Variants in CTNNA3 observed in about 807,000 individuals in gnomAD.
CTNNA3 encodes catenin alpha 3.
CTNNA3 carries 76 observed loss-of-function variants against 95.7 expected under a neutral mutation model. That is an observed-to-expected ratio of 0.79 (90% CI 0.66 to 0.96). CTNNA3 has a LOEUF of 0.96. Among genes scored for constraint, CTNNA3 ranks in the 40% least tolerant of loss-of-function variants. The pLI is 0.00. For synonymous variants in CTNNA3, 431 were observed against 374.4 expected (o/e 1.15, Z -1.74); for missense variants, 1,191 against 1,089.8 (o/e 1.09, Z -1.31).
intron 5 of CTNNA3, among the ~76,000 whole-genome samples, chr10:67,408,277 A>G (rs1845218712): frequency 6.6e-6 from 1 of 152,048 alleles, no homozygotes; most frequent in Non-Finnish European, 1.5e-5. Flanking sequence ...GAACTCGTAT[A>G]GCCAATCCTA....
At chr10:67,490,999 C>T (rs1406620615) in intron 5 of CTNNA3, among the ~76,000 whole-genome samples, 1 of 151,900 alleles carries the variant, frequency 6.6e-6, no homozygotes, top group Admixed American at 6.6e-5. Context: ...CAAACCATCA[C>T]AGAATTGCTG....
chr10:66,412,396 T>TGA (rs1166390623), intron 11 of CTNNA3, among the ~76,000 whole-genome samples: 1 of 151,228 alleles, frequency 6.6e-6, no homozygotes, highest in Non-Finnish European at 1.5e-5. Flanking sequence ...GGAACAAATG[T>TGA]GAGCTGCACA....
At chr10:65,969,271 A>G (rs2078045895) in intron 16 of CTNNA3, among the ~76,000 whole-genome samples, 1 of 152,202 alleles carries the variant, frequency 6.6e-6, no homozygotes, top group African/African-American at 2.4e-5. Context: ...AGGGAAAGAA[A>G]AGAAAAATTA....
At chr10:67,232,430 G>T (rs2132303489) in intron 5 of CTNNA3, among the ~76,000 whole-genome samples, 1 of 152,088 alleles carries the variant, frequency 6.6e-6, no homozygotes, top group East Asian at 1.9e-4. Context: ...AAGTGAAGGA[G>T]AAATAAAATA....
intron 10 of CTNNA3, among the ~76,000 whole-genome samples, chr10:66,541,246 C>T (rs888743359): frequency 2.6e-5 from 4 of 152,102 alleles, no homozygotes; most frequent in African/African-American, 7.2e-5. Context: ...CCAAAGGAAT[C>T]TGACTTGTTT....
At chr10:66,725,498 C>T (rs887500565) in intron 9 of CTNNA3, among the ~76,000 whole-genome samples, 6 of 152,066 alleles carry the variant, frequency 3.9e-5, no homozygotes, top group African/African-American at 1.4e-4. Context: ...TTGATGAACA[C>T]AATAAACCCA....
intron 15 of CTNNA3, among the ~76,000 whole-genome samples, chr10:66,016,579 C>T (rs2079100392): frequency 6.6e-6 from 1 of 152,114 alleles, no homozygotes; most frequent in African/African-American, 2.4e-5. Context: ...AATAACCCCA[C>T]TTGGATTACT....
At chr10:66,640,362 C>T (rs1291171265) in intron 9 of CTNNA3, among the ~76,000 whole-genome samples, 1 of 152,126 alleles carries the variant, frequency 6.6e-6, no homozygotes, top group African/African-American at 2.4e-5. Flanking sequence ...GGGAAGCTCA[C>T]AATTAATGAT....
At chr10:65,920,707 C>G in intron 17 of CTNNA3, 90 bp from the exon 18 acceptor site, 1 of 1,389,422 alleles carries the variant, frequency 7.2e-7, no homozygotes, top group South Asian at 1.3e-5. Context: ...GTGCCCGTTG[C>G]CCCAGCTACT....
chr10:67,553,544 G>A (rs1273241571), intron 3 of CTNNA3, among the ~76,000 whole-genome samples: 1 of 152,044 alleles, frequency 6.6e-6, no homozygotes, highest in Non-Finnish European at 1.5e-5. Context: ...TGGACATTAA[G>A]AAACCTGCAT....
intron 10 of CTNNA3, among the ~76,000 whole-genome samples, chr10:66,591,052 G>A (rs1046883778): frequency 5.9e-5 from 9 of 152,080 alleles, no homozygotes; most frequent in Non-Finnish European, 1.3e-4. Context: ...CAACAGTTTT[G>A]TCCCATTTTG....
At chr10:66,491,074 G>A (rs945542720) in intron 11 of CTNNA3, among the ~76,000 whole-genome samples, 12 of 152,242 alleles carry the variant, frequency 7.9e-5, no homozygotes, top group African/African-American at 2.9e-4. Flanking sequence ...GAGGGTAACA[G>A]AGAAGAAATG....
intron 7 of CTNNA3, among the ~76,000 whole-genome samples, chr10:67,062,591 T>C (rs1418464730): frequency 6.6e-6 from 1 of 152,054 alleles, no homozygotes; most frequent in Non-Finnish European, 1.5e-5. Context: ...AATATAAAAA[T>C]TGGGTGGGGA....
At chr10:67,317,941 T>A (rs1841131326) in intron 5 of CTNNA3, among the ~76,000 whole-genome samples, 1 of 152,078 alleles carries the variant, frequency 6.6e-6, no homozygotes, top group Non-Finnish European at 1.5e-5. Context: ...GACAGCTTAA[T>A]AAACTTTTTC....
chr10:67,503,629 G>A (rs1363116556), intron 5 of CTNNA3, among the ~76,000 whole-genome samples: 2 of 152,144 alleles, frequency 1.3e-5, no homozygotes, highest in Non-Finnish European at 2.9e-5. Context: ...CTTGATCTTA[G>A]AGTGTGTTCA....
intron 14 of CTNNA3, among the ~76,000 whole-genome samples, chr10:66,097,496 C>T (rs1487287849): frequency 3.3e-5 from 5 of 151,932 alleles, no homozygotes; most frequent in African/African-American, 1.2e-4. Context: ...CATGATTTTA[C>T]AGATAAGAAA....
At chr10:66,206,200 T>C (rs544942824) in intron 13 of CTNNA3, among the ~76,000 whole-genome samples, 1 of 152,072 alleles carries the variant, frequency 6.6e-6, no homozygotes, top group African/African-American at 2.4e-5. Flanking sequence ...GGGGTAATTG[T>C]AGCGATAACC....
intron 9 of CTNNA3, among the ~76,000 whole-genome samples, chr10:66,739,232 A>C (rs1333239077): frequency 6.6e-6 from 1 of 152,162 alleles, no homozygotes; most frequent in Non-Finnish European, 1.5e-5. Flanking sequence ...CATCAGAATC[A>C]CCTGGAGGAC....
intron 13 of CTNNA3, among the ~76,000 whole-genome samples, chr10:66,108,850 C>G (rs34624590): frequency 0.074 from 11,184 of 152,114 alleles, 516 homozygotes; most frequent in Admixed American, 0.12. Flanking sequence ...AATGTATAAT[C>G]CTTTGCCTTC....
Sources: gnomAD v4.1 joint callset for allele counts (sites outside exome capture counted in the v4.1 genomes callset) on GRCh38, gnomAD v4.1.1 for gene constraint, MANE v1.5 for transcripts, NCBI Gene and HGNC (gene_info 2026-07-23, HGNC 2026-07-21) for gene names.